The following DAB1 variants were observed in gnomAD, a reference collection of about 807,000 sequenced individuals.
DAB1 encodes the protein disabled homolog 1.
A neutral mutation model predicts 64.6 loss-of-function variants in DAB1; 15 were observed. The ratio of observed to expected loss-of-function variants is 0.23; its 90% CI spans 0.16 to 0.36. The LOEUF is 0.36. DAB1 is among the 10% of genes least tolerant of loss of function. The pLI is 1.00. For missense variants in DAB1, 596 were observed against 706.7 expected, an observed-to-expected ratio of 0.84 and a Z score of 1.78; for synonymous variants, 235 against 251.9, an observed-to-expected ratio of 0.93 and a Z score of 0.64.
intron 1 of DAB1, among the ~76,000 whole-genome samples, chr1:57,334,397 A>C (rs1676919137): frequency 6.6e-6 from 1 of 152,210 alleles, no homozygotes; most frequent in Non-Finnish European, 1.5e-5. Context: ...CTGTATGTGA[A>C]GCTTAGAGAA....
In DAB1 at chr1:58,060,511, G is replaced by A. The variant is rs558445844; in HGVS notation, n.387+90000C>T. Among the ~76,000 whole-genome samples the A allele has an allele frequency of 2.6e-5, 4 of 152,318 alleles. 1 individual carries two copies. In the South Asian group the frequency reaches 8.3e-4, roughly 32 times the overall value. ...CTCCCCAGAGTAAAGAGCGACTGGT[G>A]AAAGCCACCTCACAGGGTAGATAAG... On this transcript the variant is annotated intron_variant and non_coding_transcript_variant, in intron 5 of 20. Transcript: ENST00000485760.
intron 2 of DAB1, among the ~76,000 whole-genome samples, chr1:57,236,360 T>A (rs1570001202): frequency 6.6e-6 from 1 of 152,166 alleles, no homozygotes; most frequent in Non-Finnish European, 1.5e-5. Flanking sequence ...AAGATGAAGA[T>A]CACTTCGGCC....
chr1:58,336,659 C>T (rs1663123888), intron 4 of DAB1, among the ~76,000 whole-genome samples: 1 of 152,102 alleles, frequency 6.6e-6, no homozygotes, highest in Non-Finnish European at 1.5e-5. Flanking sequence ...GACTTCAATC[C>T]TTTATCAGAA....
At chr1:58,244,841 G>T (rs1023343685) in intron 4 of DAB1, among the ~76,000 whole-genome samples, 1 of 152,166 alleles carries the variant, frequency 6.6e-6, no homozygotes, top group Non-Finnish European at 1.5e-5. Context: ...CAGGTAGTGT[G>T]CTCAACCCAG....
chr1:58,077,498 A>G (rs1363451609), intron 5 of DAB1, among the ~76,000 whole-genome samples: 3 of 152,236 alleles, frequency 2.0e-5, no homozygotes, highest in African/African-American at 4.8e-5. Context: ...AACAATGGAT[A>G]GGAAGAGAGA....
At chr1:58,322,981 A>T (rs1309326257) in intron 4 of DAB1, among the ~76,000 whole-genome samples, 1 of 151,844 alleles carries the variant, frequency 6.6e-6, no homozygotes, top group African/African-American at 2.4e-5. Flanking sequence ...TGAGCAAACT[A>T]TCGCAAGGAC....
chr1:57,795,477 G>C (rs553448236), intron 6 of DAB1, among the ~76,000 whole-genome samples: 1 of 151,732 alleles, frequency 6.6e-6, no homozygotes, highest in South Asian at 2.1e-4. Context: ...CATAGAAATG[G>C]AAATACAGGT....
intron 2 of DAB1, among the ~76,000 whole-genome samples, chr1:57,250,552 A>T (rs1338552522): frequency 6.6e-6 from 1 of 152,192 alleles, no homozygotes; most frequent in East Asian, 1.9e-4. Context: ...CTAGCACAGA[A>T]AACTGCCTTC....
intron 9 of DAB1, among the ~76,000 whole-genome samples, chr1:57,026,869 T>G (rs1646806237): frequency 6.6e-6 from 1 of 152,194 alleles, no homozygotes; most frequent in South Asian, 2.1e-4. Flanking sequence ...TTAATCTGCA[T>G]AAACTGCCAG....
chr1:58,464,795 A>C (rs1645278275), intron 3 of DAB1, among the ~76,000 whole-genome samples: 1 of 152,216 alleles, frequency 6.6e-6, no homozygotes, highest in Admixed American at 6.5e-5. Context: ...GGTGATGGGC[A>C]AGGCTAACCC....
chr1:57,335,199 A>AT (rs368766880), intron 1 of DAB1, among the ~76,000 whole-genome samples: 14,683 of 149,792 alleles, frequency 0.098, 771 homozygotes, highest in Middle Eastern at 0.13. Flanking sequence ...AGATCTGGAC[A>AT]TTTTTTTTTT....
chr1:57,181,331 A>G (rs909993569), intron 2 of DAB1, among the ~76,000 whole-genome samples: 2 of 152,234 alleles, frequency 1.3e-5, no homozygotes, highest in African/African-American at 2.4e-5. Flanking sequence ...AGTTGCCTTC[A>G]AAACTGAAAT....
Position 58,176,923 on chromosome 1 carries a change from G to A in DAB1, n.310-26335C>T, listed in dbSNP as rs553086694. On this transcript the variant is annotated intron_variant and non_coding_transcript_variant, in intron 4 of 20. Transcript: ENST00000485760. ...GAACCTGGGAGGCGGAGCTTGCAGT[G>A]AGCTGAGATTGTGCCACTGCACTCC... Among the ~76,000 whole-genome samples the A allele has an allele frequency of 5.9e-5, 9 of 151,686 alleles. No homozygotes were observed. The South Asian group carries it at 1.7e-3, about 28-fold the overall frequency.
At chr1:58,015,073 A>T (rs975627500) in intron 5 of DAB1, among the ~76,000 whole-genome samples, 2 of 152,168 alleles carry the variant, frequency 1.3e-5, no homozygotes, top group African/African-American at 4.8e-5. Context: ...AACAAGAGAG[A>T]GCAGAGAGGC....
intron 3 of DAB1, among the ~76,000 whole-genome samples, chr1:58,383,204 A>G (rs1644404952): frequency 1.3e-5 from 2 of 152,200 alleles, no homozygotes; most frequent in African/African-American, 4.8e-5. Context: ...TATATAGATA[A>G]ACAAACTTGA....
intron 3 of DAB1, among the ~76,000 whole-genome samples, chr1:58,481,821 G>T (rs1269761789): frequency 2.0e-5 from 3 of 152,244 alleles, no homozygotes; most frequent in Admixed American, 2.0e-4. Flanking sequence ...ATGCTCTCTT[G>T]ACTGCCGCCA....
intron 1 of DAB1, among the ~76,000 whole-genome samples, chr1:57,335,958 CATT>C (rs1403992232): frequency 1.3e-5 from 2 of 152,152 alleles, no homozygotes; most frequent in Non-Finnish European, 2.9e-5. Context: ...TACAAATAAT[CATT>C]GTTGGCATCT....
chr1:58,415,003 C>A (rs1395138181), intron 3 of DAB1, among the ~76,000 whole-genome samples: 2 of 152,046 alleles, frequency 1.3e-5, no homozygotes, highest in Non-Finnish European at 2.9e-5. Context: ...AGTGTCTTCT[C>A]CCAAATTTAA....
At chr1:57,864,856 T>C (rs1447960667) in intron 1 of DAB1, 1 of 151,902 alleles carries the variant, frequency 6.6e-6, no homozygotes, top group African/African-American at 2.4e-5. Flanking sequence ...CCCTCCTTGC[T>C]CATTCGTAAT....
Sources: allele counts gnomAD v4.1 joint callset (sites outside exome capture counted in the v4.1 genomes callset), GRCh38; gene constraint gnomAD v4.1.1; transcripts MANE v1.5; gene names NCBI Gene and HGNC (gene_info 2026-07-23, HGNC 2026-07-21).